The following KRIT1 variants were observed in gnomAD, a reference collection of about 807,000 sequenced individuals.
The protein encoded by KRIT1 is KRIT1 ankyrin repeat containing, also known as krev interaction trapped protein 1.
In KRIT1, 45 loss-of-function variants were observed where a neutral mutation model predicts 95.8. That is an observed-to-expected ratio of 0.47 (90% CI 0.37 to 0.60). KRIT1 has a LOEUF of 0.60. KRIT1 is among the 20% of genes least tolerant of loss of function. The probability of loss-of-function intolerance (pLI) is 0.00; values close to 1 mark genes in which losing one functional copy is unlikely to be tolerated. For synonymous variants in KRIT1, 282 were observed against 278.8 expected (o/e 1.01, Z -0.11); for missense variants, 788 against 877.5 (o/e 0.90, Z 1.29).
chr7:92,204,899 T>C (rs1220221842), intron 17 of KRIT1, among the ~76,000 whole-genome samples: 1 of 152,164 alleles, frequency 6.6e-6, no homozygotes, highest in Non-Finnish European at 1.5e-5. Context: ...AATCAGACTC[T>C]ATTCCACCCT....
Position 92,234,476 on chromosome 7 carries a change from T to C in KRIT1, c.962A>G (p.His321Arg), listed in dbSNP as rs779444331. ...GCATGCATAATGAATGGGTGCCCAG[T>C]GGTCACTATCTAACTGGTTGACTGA... ...RFSVNQLDSD[H>R]WAPIHYACWY... is the part of the protein sequence containing the mutation. Residue 321 changes from histidine to arginine, a missense_variant, in exon 10 of 19, where the codon CAC (histidine) becomes CGC (arginine). His to Arg is a conservative substitution (Grantham distance 29). Coordinates refer to ENST00000394505, the MANE Select transcript of KRIT1 (RefSeq NM_194454.3). 2.5e-6 allele frequency: 4 copies of C among 1,609,640 alleles called. No homozygotes were observed. Among genetic ancestry groups the C allele is most frequent in the African/African-American group, 1.3e-5 (1 of 74,850 alleles).
At chr7:92,225,029 C>T (rs915300203) in intron 12 of KRIT1, among the ~76,000 whole-genome samples, 27 of 151,986 alleles carry the variant, frequency 1.8e-4, no homozygotes, top group Non-Finnish European at 3.1e-4. Flanking sequence ...TGGTGGCAGG[C>T]GCACGTAATC....
In KRIT1 at chr7:92,231,438, T is replaced by C. The variant is rs531838574; in HGVS notation, c.989+3011A>G. 2.4e-4 allele frequency among the ~76,000 whole-genome samples: 36 copies of C among 152,322 alleles called. 1 individual carries two copies. The South Asian group carries it at 7.2e-3, about 31-fold the overall frequency. ...CATAAACAAAAACTCTTGGGAATCC[T>C]GTAACTGTTAAGAGTAAAAAAGTAT... On this transcript the variant is annotated intron_variant, in intron 10 of 18. Coordinates refer to ENST00000394505, the MANE Select transcript of KRIT1 (RefSeq NM_194454.3).
intron 17 of KRIT1, among the ~76,000 whole-genome samples, chr7:92,202,744 T>C (rs1413391704): frequency 6.6e-6 from 1 of 152,094 alleles, no homozygotes; most frequent in Non-Finnish European, 1.5e-5. Flanking sequence ...ATAAAATAAA[T>C]AAAGTGAGGT....
chr7:92,212,564 G>A (rs1039531566), intron 17 of KRIT1, among the ~76,000 whole-genome samples: 5 of 152,128 alleles, frequency 3.3e-5, no homozygotes, highest in Admixed American at 6.5e-5. Flanking sequence ...CATTCTTTCT[G>A]CCATATGAGG....
intron 17 of KRIT1, among the ~76,000 whole-genome samples, chr7:92,212,018 T>C (rs987997812): frequency 6.6e-6 from 1 of 151,940 alleles, no homozygotes; most frequent in Non-Finnish European, 1.5e-5. Flanking sequence ...GGTAGGAGGA[T>C]TGCTTGAGTC....
intron 2 of KRIT1, among the ~76,000 whole-genome samples, chr7:92,244,369 A>G (rs1262835639): frequency 1.3e-5 from 2 of 152,232 alleles, no homozygotes; most frequent in African/African-American, 4.8e-5. Context: ...TCACTTCTCT[A>G]GAATATTTAA....
At chr7:92,210,055 G>GAAGCAAGACTCTATCTCAAAA (rs1792453897) in intron 17 of KRIT1, among the ~76,000 whole-genome samples, 1 of 152,058 alleles carries the variant, frequency 6.6e-6, no homozygotes, top group Non-Finnish European at 1.5e-5. Context: ...CCTGGGTGAT[G>GAAGCAAGACTCTATCTCAAAA]AAGCAAGACT....
chr7:92,208,608 T>C (rs1393514374), intron 17 of KRIT1, among the ~76,000 whole-genome samples: 1 of 151,956 alleles, frequency 6.6e-6, no homozygotes. Context: ...TTGGAAAACC[T>C]AGAGGAAAAA....
Position 92,241,111 on chromosome 7 carries a change from C to CTT in KRIT1, c.142_143dup (p.Lys50GlufsTer16). On this transcript the variant is annotated frameshift_variant, in exon 5 of 19. Transcript: ENST00000394505. LOFTEE classifies it high-confidence loss of function. ...TCGTTTCCAATAAAACTTTCTTTCT[C>CTT]TTTTTTTTCTGTCCTTCAATGGGAA... The CTT allele has an allele frequency of 6.2e-7, 1 of 1,610,166 alleles. No individual in the cohort carries two copies. Among genetic ancestry groups the CTT allele is most frequent in the Non-Finnish European group, 8.5e-7 (1 of 1,176,668 alleles).
chr7:92,224,128 T>C (rs1262600455), intron 12 of KRIT1, among the ~76,000 whole-genome samples: 4 of 152,326 alleles, frequency 2.6e-5, no homozygotes, highest in African/African-American at 7.2e-5. Context: ...AGAGACCATA[T>C]ATTCCTTCTA....
At chr7:92,220,791 T>C (rs1794979509) in intron 14 of KRIT1, among the ~76,000 whole-genome samples, 2 of 148,974 alleles carry the variant, frequency 1.3e-5, no homozygotes, top group Non-Finnish European at 3.0e-5. Context: ...ACCTCCCAGA[T>C]TCAAGCAATT....
At chr7:92,245,749 C>G (rs979513819) in intron 1 of KRIT1, 41 bp downstream of exon 1, 23 of 152,788 alleles carry the variant, frequency 1.5e-4, no homozygotes, top group African/African-American at 5.6e-4. Context: ...ACCCGCGCCC[C>G]AAAAGCTCAG....
chr7:92,224,315 A>C (rs1464841412), intron 12 of KRIT1, among the ~76,000 whole-genome samples: 1 of 152,110 alleles, frequency 6.6e-6, no homozygotes, highest in Non-Finnish European at 1.5e-5. Context: ...TAAACTAATG[A>C]CAGCCAGGAG....
intron 17 of KRIT1, chr7:92,205,812 C>G (rs1207086005): frequency 6.6e-6 from 1 of 152,184 alleles, no homozygotes; most frequent in Non-Finnish European, 1.5e-5. Context: ...CTGTTCATCC[C>G]ATTTAAATGT....
chr7:92,239,191 T>C (rs1344475940), intron 5 of KRIT1, among the ~76,000 whole-genome samples: 2 of 152,190 alleles, frequency 1.3e-5, no homozygotes, highest in African/African-American at 2.4e-5. Context: ...CTAGATATGT[T>C]TCACGGTGAC....
At chr7:92,228,407 T>C (rs180730743) in intron 10 of KRIT1, among the ~76,000 whole-genome samples, 4 of 152,246 alleles carry the variant, frequency 2.6e-5, no homozygotes, top group East Asian at 1.9e-4. Context: ...TGGTTTTAGA[T>C]ATGGAACATC....
chr7:92,224,969 C>G (rs540191877), intron 12 of KRIT1, among the ~76,000 whole-genome samples: 2 of 151,862 alleles, frequency 1.3e-5, no homozygotes, highest in South Asian at 2.1e-4. Flanking sequence ...ACCATCCTAG[C>G]TAACAGTGAA....
chr7:92,232,550 C>T (rs1456263946), intron 10 of KRIT1, among the ~76,000 whole-genome samples: 1 of 150,286 alleles, frequency 6.7e-6, no homozygotes, highest in Non-Finnish European at 1.5e-5. Context: ...CAAAAAGGAG[C>T]AACTATACAG....
Sources: gnomAD v4.1 joint callset for allele counts (sites outside exome capture counted in the v4.1 genomes callset) on GRCh38, gnomAD v4.1.1 for gene constraint, MANE v1.5 for transcripts, NCBI Gene and HGNC (gene_info 2026-07-23, HGNC 2026-07-21) for gene names.